Variants in ZNF410 observed in about 807,000 individuals in gnomAD.
The protein encoded by ZNF410 is zinc finger protein 410.
A neutral mutation model predicts 54.8 loss-of-function variants in ZNF410; 18 were observed. The ratio of observed to expected loss-of-function variants is 0.33; its 90% CI spans 0.23 to 0.49. The LOEUF is 0.49. Among genes scored for constraint, ZNF410 ranks in the 20% least tolerant of loss-of-function variants. ZNF410 has a pLI of 0.99. For synonymous variants in ZNF410, 191 were observed against 207.3 expected (o/e 0.92, Z 0.68); for missense variants, 405 against 569.6 (o/e 0.71, Z 2.94).
chr14:73,901,297 G>A (rs965366933), intron 5 of ZNF410, among the ~76,000 whole-genome samples: 39 of 152,240 alleles, frequency 2.6e-4, no homozygotes, highest in Admixed American at 2.0e-3. Flanking sequence ...GCAGCCGGGC[G>A]CAGTGGTTCA....
chr14:73,907,314 C>T (rs752529430), intron 7 of ZNF410, among the ~76,000 whole-genome samples: 1 of 152,108 alleles, frequency 6.6e-6, no homozygotes, highest in Non-Finnish European at 1.5e-5. Flanking sequence ...AGCTGCAGTT[C>T]AGGTCGGGCC....
intron 8 of ZNF410, chr14:73,914,072 C>T (rs933704962): frequency 9.9e-5 from 15 of 152,224 alleles, no homozygotes; most frequent in African/African-American, 3.6e-4. Context: ...TGGTCTCCCT[C>T]TGTTGCTCAG....
Position 73,898,116 on chromosome 14 carries a change from C to G in ZNF410, c.434C>G (p.Ala145Gly), listed in dbSNP as rs559946770. 42 of 1,614,086 alleles carry G rather than the reference C, an allele frequency of 2.6e-5. No homozygotes were observed. Among genetic ancestry groups the G allele is most frequent in the Middle Eastern group, 3.3e-4 (2 of 6,062 alleles). The change falls in exon 5 of 12, where the codon GCA (alanine) becomes GGA (glycine). Residue 145 changes from alanine to glycine, a missense_variant. Ala to Gly is a moderately conservative substitution (Grantham distance 60). Transcript: ENST00000555044. ...AEHLVFVQDE[A>G]EDSGNDFLSS... The stretch of plus-strand genomic sequence containing the variant: ...CACTTAGTGTTTGTACAGGATGAGG[C>G]AGAAGATTCAGGGAATGATTTCCTC...
At chr14:73,913,485 A>G (rs954903088) in intron 8 of ZNF410, 5 of 152,142 alleles carry the variant, frequency 3.3e-5, no homozygotes, top group Non-Finnish European at 7.4e-5. Flanking sequence ...AAATGTCTGT[A>G]TTTAGCCAGT....
Position 73,912,294 on chromosome 14 carries a change from C to T in ZNF410, c.1003+2864C>T, listed in dbSNP as rs544020327. ...AAGCAATTCTCCCGTCTCAGCCACC[C>T]GAGTAGCTGGTATTACAGGCGCGTG... On this transcript the variant is annotated intron_variant, in intron 8 of 11. Coordinates refer to ENST00000555044, the MANE Select transcript of ZNF410 (RefSeq NM_021188.3). Among the ~76,000 whole-genome samples the T allele has an allele frequency of 6.6e-5, 10 of 151,024 alleles. No homozygotes were observed. In the South Asian group the frequency reaches 1.3e-3, roughly 19 times the overall value.
rs765717843 is a variant in ZNF410 at position 73,893,840 on chromosome 14, A to C, written c.77A>C (p.Gln26Pro). 5.0e-6 allele frequency: 8 copies of C among 1,613,956 alleles called. No individual in the cohort carries two copies. In the Admixed American group the frequency reaches 1.3e-4, roughly 27 times the overall value. Residue 26 changes from glutamine (Q) to proline (P), a missense_variant, in exon 3 of 12, where the codon CAG (glutamine) becomes CCG (proline). Transcript: ENST00000555044. ...CAGAATACGTCCATCCCATTGGGAC[A>C]GGGGCTTGTAGAATCAGAAGCTAAA... is the stretch of plus-strand genomic sequence containing the variant. ...FVQNTSIPLGQGLVESEAKDI... is the reference protein window; with the variant it reads ...FVQNTSIPLGPGLVESEAKDI...
At chr14:73,904,148 G>C (rs746792922) in intron 6 of ZNF410, 38 bp downstream of exon 6, 47 of 1,583,098 alleles carry the variant, frequency 3.0e-5, no homozygotes, top group Non-Finnish European at 3.9e-5. Flanking sequence ...GATATACGTT[G>C]ATGCAAAAGT....
intron 8 of ZNF410, among the ~76,000 whole-genome samples, chr14:73,918,013 C>T (rs563280717): frequency 6.6e-6 from 1 of 152,172 alleles, no homozygotes; most frequent in Non-Finnish European, 1.5e-5. Context: ...TTTAAATCAT[C>T]TCTAGATTAC....
intron 8 of ZNF410, chr14:73,916,703 G>C (rs2055672541): frequency 6.6e-6 from 1 of 152,152 alleles, no homozygotes; most frequent in Non-Finnish European, 1.5e-5. Context: ...GCAGGGCGCA[G>C]TGGTTTATGC....
rs763925845 is a variant in ZNF410 at position 73,922,203 on chromosome 14, G to A, written c.1267G>A (p.Asp423Asn). The change falls in exon 10 of 12, where the codon GAT becomes AAT. Residue 423 changes from aspartate to asparagine, a missense_variant. By Grantham distance (23) the Asp-to-Asn change is conservative (BLOSUM62 1). Transcript: ENST00000555044. ...TACCAATTCTATCCTGGGAGTTGATGATGGTAAGACTTCCAACTCTCCTTT... is the reference window on the plus strand; with the variant it reads ...TACCAATTCTATCCTGGGAGTTGATAATGGTAAGACTTCCAACTCTCCTTT... ...PNTNSILGVD[D>N]EVLAEGSPRS... 6 of 1,613,352 alleles carry A rather than the reference G, an allele frequency of 3.7e-6. No homozygotes were observed. In the Admixed American group the frequency reaches 1.0e-4, roughly 27 times the overall value.
chr14:73,887,093 G>A lies in ZNF410; in HGVS notation c.-150+178G>A, dbSNP rs905484814. 30 of 152,808 alleles carry A rather than the reference G, an allele frequency of 2.0e-4. 1 individual carries two copies. Among genetic ancestry groups the A allele is most frequent in the Non-Finnish European group, 4.1e-4 (28 of 68,276 alleles). 9.5% of individuals were successfully genotyped at this position (152,808 alleles called of 1,614,324 possible). A position where few individuals can be genotyped will look rare whatever the true frequency, so the allele number is the denominator to read the frequency against. On this transcript the variant is annotated intron_variant, in intron 1 of 11. Coordinates refer to ENST00000555044, the MANE Select transcript of ZNF410 (RefSeq NM_021188.3). ...GGGAGCGGCCAGTCTGAAGCCCTGC[G>A]GCTTTGGCCCTTCCCCTCGCGGGTT...
At chr14:73,908,029 A>G (rs1398414777) in intron 7 of ZNF410, among the ~76,000 whole-genome samples, 2 of 152,222 alleles carry the variant, frequency 1.3e-5, no homozygotes, top group African/African-American at 4.8e-5. Flanking sequence ...TATTATCTCC[A>G]TATTGTAGAT....
intron 8 of ZNF410, chr14:73,920,762 C>T: frequency 1.9e-6 from 1 of 530,054 alleles, no homozygotes; most frequent in East Asian, 3.4e-5. Flanking sequence ...CTGGAAAGGA[C>T]CAGCAGCTGG....
intron 8 of ZNF410, among the ~76,000 whole-genome samples, chr14:73,917,259 T>C (rs1355862296): frequency 6.6e-6 from 1 of 152,196 alleles, no homozygotes; most frequent in East Asian, 1.9e-4. Context: ...GCTGTGGTTC[T>C]TAGAATAATA....
chr14:73,898,359 A>G (rs755205639), intron 5 of ZNF410, 97 bp downstream of exon 5: 18 of 1,249,272 alleles, frequency 1.4e-5, no homozygotes, highest in South Asian at 2.6e-5. Flanking sequence ...AAATTATTCT[A>G]TTGATGAGAG....
intron 1 of ZNF410, among the ~76,000 whole-genome samples, chr14:73,891,535 G>A (rs1000823383): frequency 1.3e-5 from 2 of 152,114 alleles, no homozygotes; most frequent in African/African-American, 4.8e-5. Flanking sequence ...TGTATTTTTA[G>A]TAGAGAGGGG....
chr14:73,898,323 T>A (rs2055354356), intron 5 of ZNF410, 61 bp downstream of exon 5: 10 of 1,547,184 alleles, frequency 6.5e-6, no homozygotes, highest in Non-Finnish European at 8.9e-6. Flanking sequence ...GGTAATGCAG[T>A]GGCTGGTTTG....
At chr14:73,909,609 G>T (rs995494277) in intron 8 of ZNF410, 179 bp downstream of exon 8, 12 of 480,566 alleles carry the variant, frequency 2.5e-5, no homozygotes, top group Admixed American at 2.4e-4. Flanking sequence ...ATCAAGGTTG[G>T]GGGGGGGACA....
chr14:73,918,026 A>G (rs975754070), intron 8 of ZNF410, among the ~76,000 whole-genome samples: 1 of 152,204 alleles, frequency 6.6e-6, no homozygotes, highest in Non-Finnish European at 1.5e-5. Flanking sequence ...TAGATTACTG[A>G]TAGTACCTAA....
Sources: allele counts gnomAD v4.1 joint callset (sites outside exome capture counted in the v4.1 genomes callset), GRCh38; gene constraint gnomAD v4.1.1; transcripts MANE v1.5; gene names NCBI Gene and HGNC (gene_info 2026-07-23, HGNC 2026-07-21).